The following EFCAB5 variants were observed in gnomAD, a reference collection of about 807,000 sequenced individuals.
The protein encoded by EFCAB5 is EF-hand calcium-binding domain-containing protein 5.
A neutral mutation model predicts 167.9 loss-of-function variants in EFCAB5; 131 were observed. The observed-to-expected ratio is 0.78, with a 90% CI of 0.68 to 0.90. The LOEUF is 0.90. Among genes scored for constraint, EFCAB5 ranks in the 40% least tolerant of loss-of-function variants. EFCAB5 has a pLI of 0.00. For synonymous variants in EFCAB5, 574 were observed against 602.8 expected, an observed-to-expected ratio of 0.95 and a Z score of 0.70; for missense variants, 1,663 against 1,745.2, an observed-to-expected ratio of 0.95 and a Z score of 0.84.
intron 13 of EFCAB5, 119 bp downstream of exon 13, chr17:30,058,009 C>A: frequency 1.2e-6 from 1 of 845,172 alleles, no homozygotes; most frequent in East Asian, 2.6e-5. Flanking sequence ...TGATCACTTT[C>A]TTTCAACAAG....
chr17:29,956,484 ACTGT>A (rs35373806), intron 3 of EFCAB5, among the ~76,000 whole-genome samples: 3 of 152,352 alleles, frequency 2.0e-5, no homozygotes, highest in Non-Finnish European at 4.4e-5. Flanking sequence ...TGAACAGCTG[ACTGT>A]CTGTGGTTGA....
At chr17:30,013,902 C>T (rs1451927967) in intron 7 of EFCAB5, among the ~76,000 whole-genome samples, 2 of 152,118 alleles carry the variant, frequency 1.3e-5, no homozygotes, top group Non-Finnish European at 2.9e-5. Flanking sequence ...GTTAGGGTGT[C>T]GATTTTAGAT....
chr17:29,994,169 T>TATATATATATAC (rs2068494420), intron 5 of EFCAB5, among the ~76,000 whole-genome samples: 1 of 132,150 alleles, frequency 7.6e-6, no homozygotes, highest in Non-Finnish European at 1.6e-5. Flanking sequence ...TATATATATA[T>TATATATATATAC]ATATATATGT....
chr17:30,020,948 G>A (rs527604948), intron 7 of EFCAB5, among the ~76,000 whole-genome samples: 1 of 37,914 alleles, frequency 2.6e-5, no homozygotes, highest in South Asian at 5.2e-4. Context: ...TATTGTATCA[G>A]CATGTCAGAG....
In EFCAB5 at chr17:30,080,012, C is replaced by CA. The variant is rs376594244; in HGVS notation, c.3028-59dup. On this transcript the variant is annotated intron_variant, in intron 15 of 22. Coordinates refer to ENST00000394835, the MANE Select transcript of EFCAB5 (RefSeq NM_198529.4). ...TGCATGAATTAACTAGTAAGGGGGA[C>CA]ATGATTAGGGGAGTTCTTTGGCTGT... is the stretch of plus-strand genomic sequence containing the variant. 1,433 of 1,532,304 alleles carry CA rather than the reference C, an allele frequency of 9.4e-4. 4 individuals are homozygous for CA. The highest frequency in any genetic ancestry group is 6.5e-3 in the Middle Eastern group (37 of 5,664). 94.9% of individuals were successfully genotyped at this position (1,532,304 alleles called of 1,614,324 possible). A position where few individuals can be genotyped will look rare whatever the true frequency, so the allele number is the denominator to read the frequency against.
intron 7 of EFCAB5, among the ~76,000 whole-genome samples, chr17:30,012,672 G>C (rs374758407): frequency 6.6e-6 from 1 of 152,116 alleles, no homozygotes; most frequent in Non-Finnish European, 1.5e-5. Context: ...GTGGTCCCCC[G>C]GGCCCAGTTG....
At chr17:30,003,595 G>T (rs2068714201) in intron 7 of EFCAB5, among the ~76,000 whole-genome samples, 1 of 150,704 alleles carries the variant, frequency 6.6e-6, no homozygotes, top group African/African-American at 2.4e-5. Flanking sequence ...AAAAAAAAGA[G>T]ATGTGATCCT....
At chr17:29,946,999 C>G (rs2067414725) in intron 3 of EFCAB5, among the ~76,000 whole-genome samples, 1 of 151,766 alleles carries the variant, frequency 6.6e-6, no homozygotes, top group Non-Finnish European at 1.5e-5. Flanking sequence ...CCTGGTGAAA[C>G]CCCGTCTGTA....
At chr17:30,064,787 G>C (rs2151805681) in intron 14 of EFCAB5, among the ~76,000 whole-genome samples, 1 of 152,274 alleles carries the variant, frequency 6.6e-6, no homozygotes, top group East Asian at 1.9e-4. Flanking sequence ...TATCATATAA[G>C]GGAAAGCCAG....
upstream of EFCAB5, among the ~76,000 whole-genome samples, chr17:29,940,525 G>A (rs141188785): frequency 0.014 from 2,162 of 152,288 alleles, 34 homozygotes; most frequent in South Asian, 0.047. Flanking sequence ...ATGGAAGGAA[G>A]CTTCTCAGCA....
In EFCAB5 at chr17:30,040,975, G is replaced by A. The variant is rs149461391; in HGVS notation, c.1200+6590G>A. Among the ~76,000 whole-genome samples the A allele has an allele frequency of 1.9e-3, 286 of 152,284 alleles. 1 individual carries two copies. The highest frequency in any genetic ancestry group is 6.5e-3 in the African/African-American group (268 of 41,550). ...CACTTACCTATTTAGGGAAGTTTTA[G>A]GCTATTAGCAAATCGGGTATCAGTT... On this transcript the variant is annotated intron_variant, in intron 8 of 22. Coordinates refer to ENST00000394835, the MANE Select transcript of EFCAB5 (RefSeq NM_198529.4).
intron 4 of EFCAB5, among the ~76,000 whole-genome samples, chr17:29,989,519 A>G (rs1232737889): frequency 6.6e-6 from 1 of 152,238 alleles, no homozygotes; most frequent in Non-Finnish European, 1.5e-5. Context: ...AGCTAAGGGA[A>G]TAGTAAAGAC....
intron 2 of EFCAB5, among the ~76,000 whole-genome samples, chr17:29,943,343 G>A (rs931992852): frequency 1.3e-5 from 2 of 152,138 alleles, no homozygotes; most frequent in Non-Finnish European, 1.5e-5. Context: ...AGGAAGATGT[G>A]ATGACATTTT....
At chr17:30,036,997 G>A (rs549160168) in intron 8 of EFCAB5, among the ~76,000 whole-genome samples, 1 of 152,254 alleles carries the variant, frequency 6.6e-6, no homozygotes, top group South Asian at 2.1e-4. Context: ...TCCAATCATG[G>A]TTGGAGATTG....
At position 29,945,095 on chromosome 17, in the gene EFCAB5, A is replaced by G. The variant is rs200050392; in HGVS notation, c.190+1446A>G. 1.4e-3 allele frequency among the ~76,000 whole-genome samples: 219 copies of G among 152,306 alleles called. 1 individual carries two copies. Among genetic ancestry groups the G allele is most frequent in the Admixed American group, 0.011 (174 of 15,294 alleles). On this transcript the variant is annotated intron_variant, in intron 3 of 22. Transcript: ENST00000394835. ...AGAGAAGACATTCATCTCTTTCATT[A>G]CAGCTCTTTTAACTCCAAATACTTA...
Position 29,993,256 on chromosome 17 carries a change from C to A in EFCAB5, c.859C>A (p.Gln287Lys). 6.2e-7 allele frequency: 1 copy of A among 1,613,848 alleles called. No individual in the cohort carries two copies. The highest frequency in any genetic ancestry group is 8.5e-7 in the Non-Finnish European group (1 of 1,179,818). The change falls in exon 5 of 23, where the codon CAG becomes AAG. Residue 287 changes from glutamine (Q) to lysine (K), a missense_variant. Coordinates refer to ENST00000394835, the MANE Select transcript of EFCAB5 (RefSeq NM_198529.4). ...IIVKVANTRK[Q>K]ALQEQFDEWI... ...AGTCAAGGTGGCCAACACACGGAAACAGGCTCTGCAGGAGCAATTCGATGA... is the reference window on the plus strand; with the variant it reads ...AGTCAAGGTGGCCAACACACGGAAAAAGGCTCTGCAGGAGCAATTCGATGA...
At chr17:30,015,270 T>C (rs1312822894) in intron 7 of EFCAB5, among the ~76,000 whole-genome samples, 1 of 152,202 alleles carries the variant, frequency 6.6e-6, no homozygotes, top group East Asian at 1.9e-4. Context: ...CTGACAATTA[T>C]GTGTCTTGGC....
chr17:29,957,775 A>G (rs913562918), intron 3 of EFCAB5, among the ~76,000 whole-genome samples: 2 of 152,138 alleles, frequency 1.3e-5, no homozygotes, highest in African/African-American at 4.8e-5. Context: ...TTGAGAATAG[A>G]GCTGTAATGA....
At chr17:30,034,495 T>C in intron 8 of EFCAB5, 110 bp downstream of exon 8, 2 of 1,342,778 alleles carry the variant, frequency 1.5e-6, no homozygotes, top group Non-Finnish European at 2.0e-6. Flanking sequence ...GCCCAGGAGT[T>C]TGAGACCAGC....
Sources: gnomAD v4.1 joint callset for allele counts (sites outside exome capture counted in the v4.1 genomes callset) on GRCh38, gnomAD v4.1.1 for gene constraint, MANE v1.5 for transcripts, NCBI Gene and HGNC (gene_info 2026-07-23, HGNC 2026-07-21) for gene names.